The following GRIK2 variants were observed in gnomAD, a reference collection of about 807,000 sequenced individuals.
GRIK2 encodes glutamate ionotropic receptor kainate type subunit 2.
GRIK2 carries 32 observed loss-of-function variants against 100.3 expected under a neutral mutation model. The observed-to-expected ratio is 0.32, with a 90% CI of 0.24 to 0.43. The LOEUF is 0.43. Ranked by LOEUF, GRIK2 falls within the 20% of genes least tolerant of loss-of-function variation. GRIK2 has a pLI of 1.00. For synonymous variants in GRIK2, 417 were observed against 389.4 expected, an observed-to-expected ratio of 1.07 and a Z score of -0.83; for missense variants, 843 against 1,114.9, an observed-to-expected ratio of 0.76 and a Z score of 3.47.
chr6:101,892,086 T>C (rs1787140749), intron 12 of GRIK2, among the ~76,000 whole-genome samples: 1 of 152,122 alleles, frequency 6.6e-6, no homozygotes, highest in Non-Finnish European at 1.5e-5. Context: ...ATTAACAAAT[T>C]TCCCAGGAGG....
chr6:101,523,355 A>G (rs1031420992), intron 2 of GRIK2, among the ~76,000 whole-genome samples: 1 of 152,166 alleles, frequency 6.6e-6, no homozygotes, highest in Non-Finnish European at 1.5e-5. Flanking sequence ...ATGAGGCATG[A>G]TCTCTGTCCT....
intron 4 of GRIK2, among the ~76,000 whole-genome samples, chr6:101,669,859 CT>C (rs1007287041): frequency 1.8e-4 from 27 of 151,758 alleles, no homozygotes; most frequent in Admixed American, 1.7e-3. Flanking sequence ...AGACTTGTAT[CT>C]AAATGTCAGG....
At chr6:101,583,617 A>G (rs1778209712) in intron 2 of GRIK2, among the ~76,000 whole-genome samples, 1 of 152,124 alleles carries the variant, frequency 6.6e-6, no homozygotes, top group African/African-American at 2.4e-5. Flanking sequence ...AGTGATGAAA[A>G]AAACCTATGA....
rs78552463 is a variant in GRIK2 at position 101,517,855 on chromosome 6, G to A, written c.116-104094G>A. On this transcript the variant is annotated intron_variant, in intron 2 of 16. Transcript: ENST00000369134. Reference sequence around the variant, plus strand: ...TAATAAAGAAGCTTATTAGGCTAACGGTATTTTAAAAGATGTTTAGGGAAA... The same window carrying A: ...TAATAAAGAAGCTTATTAGGCTAACAGTATTTTAAAAGATGTTTAGGGAAA... Among the ~76,000 whole-genome samples, 1,266 of 152,176 alleles carry A rather than the reference G, an allele frequency of 8.3e-3. 51 individuals carry two copies. The highest frequency in any genetic ancestry group is 0.063 in the Admixed American group (969 of 15,262).
intron 2 of GRIK2, among the ~76,000 whole-genome samples, chr6:101,505,984 A>G (rs1774008233): frequency 6.6e-6 from 1 of 152,146 alleles, no homozygotes; most frequent in Non-Finnish European, 1.5e-5. Context: ...AATTGCAAGT[A>G]AGTAATCAAA....
At chr6:101,426,716 G>C (rs1294854958) in intron 2 of GRIK2, among the ~76,000 whole-genome samples, 1 of 152,090 alleles carries the variant, frequency 6.6e-6, no homozygotes, top group Non-Finnish European at 1.5e-5. Context: ...TCTATCCTAT[G>C]CACTACTGCC....
At chr6:101,462,493 T>TC (rs1491187609) in intron 2 of GRIK2, among the ~76,000 whole-genome samples, 146,972 of 152,286 alleles carry the variant, frequency 0.97, 70,960 homozygotes, top group East Asian at 1. Flanking sequence ...ACCAGGAAGA[T>TC]TTGGGGGACA....
intron 14 of GRIK2, among the ~76,000 whole-genome samples, chr6:101,976,618 T>C (rs1793395304): frequency 6.6e-6 from 1 of 151,822 alleles, no homozygotes; most frequent in Non-Finnish European, 1.5e-5. Flanking sequence ...GCCCAGGAGT[T>C]TGAGGCTGCA....
At chr6:101,589,924 G>C (rs1340430153) in intron 2 of GRIK2, among the ~76,000 whole-genome samples, 1 of 152,002 alleles carries the variant, frequency 6.6e-6, no homozygotes, top group Admixed American at 6.6e-5. Context: ...CCTACTTGAA[G>C]GGGAAACTAA....
chr6:101,553,310 A>G (rs1776597960), intron 2 of GRIK2, among the ~76,000 whole-genome samples: 1 of 152,198 alleles, frequency 6.6e-6, no homozygotes, highest in South Asian at 2.1e-4. Flanking sequence ...TGTATTATAG[A>G]AAGAGTTACT....
At chr6:101,736,762 AT>A (rs1223762802) in intron 7 of GRIK2, among the ~76,000 whole-genome samples, 1 of 152,188 alleles carries the variant, frequency 6.6e-6, no homozygotes, top group African/African-American at 2.4e-5. Context: ...TTGGGGATTA[AT>A]ATTCAGCTCC....
chr6:102,069,876 A>C lies in GRIK2; in HGVS notation c.*1365A>C, dbSNP rs557585698. 1 of 152,006 alleles carries C rather than the reference A, an allele frequency of 6.6e-6. No homozygotes were observed. Among genetic ancestry groups the C allele is most frequent in the Non-Finnish European group, 1.5e-5 (1 of 67,972 alleles). The allele number at this position is 152,006 out of a possible 1,614,324, so 9.4% of individuals were successfully genotyped here. On this transcript the variant is annotated 3_prime_UTR_variant, in exon 17 of 17. Transcript: ENST00000369134. ...TTTCAAGTTAGATAATATAAAAGCT[A>C]GGTGCACTACCACCACTGCTTACCA...
At chr6:101,495,333 G>T (rs374876610) in intron 2 of GRIK2, among the ~76,000 whole-genome samples, 1 of 151,656 alleles carries the variant, frequency 6.6e-6, no homozygotes, top group Non-Finnish European at 1.5e-5. Context: ...GTGAAATCCC[G>T]TCTCTACTAA....
intron 6 of GRIK2, 85 bp downstream of exon 6, chr6:101,682,691 T>G: frequency 3.1e-6 from 2 of 642,134 alleles, no homozygotes; most frequent in Non-Finnish European, 5.6e-6. Context: ...GTAAGAAGTA[T>G]TATGACTGAT....
At chr6:101,522,643 C>A (rs1418956974) in intron 2 of GRIK2, among the ~76,000 whole-genome samples, 5 of 152,116 alleles carry the variant, frequency 3.3e-5, no homozygotes, top group Admixed American at 3.3e-4. Context: ...GGGCATTAGT[C>A]ATGTCCACTA....
chr6:101,613,212 G>C (rs1354246444), intron 2 of GRIK2, among the ~76,000 whole-genome samples: 1 of 151,702 alleles, frequency 6.6e-6, no homozygotes, highest in African/African-American at 2.4e-5. Context: ...TAAACTGTTA[G>C]CTAGAATAAT....
intron 7 of GRIK2, among the ~76,000 whole-genome samples, chr6:101,713,157 T>G (rs994752873): frequency 3.3e-5 from 5 of 151,814 alleles, no homozygotes; most frequent in Non-Finnish European, 7.4e-5. Flanking sequence ...AAGGCCAGCA[T>G]CCACTGTCTT....
chr6:102,022,025 TATAA>T (rs1769448424), intron 14 of GRIK2, among the ~76,000 whole-genome samples: 1 of 150,384 alleles, frequency 6.6e-6, no homozygotes, highest in South Asian at 2.1e-4. Context: ...TAGATATTAA[TATAA>T]ATAATTTATA....
chr6:101,501,025 A>G lies in GRIK2; in HGVS notation c.115+101633A>G, dbSNP rs185093538. ...TTTTCTCAAAAATGGGGATTACCAC[A>G]TATCTTGAGATAATTATAATGCTGA... On this transcript the variant is annotated intron_variant, in intron 2 of 16. Coordinates refer to ENST00000369134, the MANE Select transcript of GRIK2 (RefSeq NM_021956.5). Among the ~76,000 whole-genome samples the G allele has an allele frequency of 2.1e-3, 322 of 152,268 alleles. 1 individual carries two copies. Among genetic ancestry groups the G allele is most frequent in the Admixed American group, 5.2e-3 (80 of 15,280 alleles).
Sources: allele counts gnomAD v4.1 joint callset (sites outside exome capture counted in the v4.1 genomes callset), GRCh38; gene constraint gnomAD v4.1.1; transcripts MANE v1.5; gene names NCBI Gene and HGNC (gene_info 2026-07-23, HGNC 2026-07-21).